The following DIABLO variants were observed in gnomAD, a reference collection of about 807,000 sequenced individuals.
DIABLO encodes the protein diablo homolog, mitochondrial.
Under a neutral mutation model 31.7 loss-of-function variants are expected in DIABLO, and 32 were observed. That is an observed-to-expected ratio of 1.01 (90% CI 0.76 to 1.35). The LOEUF (loss-of-function observed/expected upper bound fraction) is 1.35. DIABLO is among the 40% of genes most tolerant of loss of function. The probability of loss-of-function intolerance (pLI) is 0.00; values close to 1 mark genes in which losing one functional copy is unlikely to be tolerated. For synonymous variants in DIABLO, 132 were observed against 103.2 expected, an observed-to-expected ratio of 1.28 and a Z score of -1.69; for missense variants, 316 against 286.4, an observed-to-expected ratio of 1.10 and a Z score of -0.75.
At chr12:122,225,877 G>A (rs868484580) in intron 1 of DIABLO, 88 bp downstream of exon 1, 4 of 1,542,722 alleles carry the variant, frequency 2.6e-6, no homozygotes, top group Non-Finnish European at 8.7e-7. Flanking sequence ...AGCGCGTAAG[G>A]AAGGCGGGCG....
At chr12:122,220,130 G>C (rs139646814) in intron 2 of DIABLO, among the ~76,000 whole-genome samples, 3 of 151,816 alleles carry the variant, frequency 2.0e-5, no homozygotes, top group Non-Finnish European at 4.4e-5. Context: ...ATATTTAGTA[G>C]AGATGGGGTT....
intron 5 of DIABLO, among the ~76,000 whole-genome samples, chr12:122,213,499 G>A (rs1206043360): frequency 3.8e-5 from 4 of 105,914 alleles, no homozygotes; most frequent in African/African-American, 1.0e-4. Flanking sequence ...GTAAGACCTT[G>A]TCTCAGGGAA....
intron 5 of DIABLO, among the ~76,000 whole-genome samples, chr12:122,214,816 A>G (rs561148687): frequency 4.9e-4 from 75 of 152,150 alleles, no homozygotes; most frequent in African/African-American, 1.8e-3. Context: ...CCTGGGTTCA[A>G]GCCATTCTCC....
chr12:122,213,495 CCTT>C (rs1334858036), intron 5 of DIABLO, among the ~76,000 whole-genome samples: 1 of 123,614 alleles, frequency 8.1e-6, no homozygotes, highest in Non-Finnish European at 1.6e-5. Context: ...CAGAGTAAGA[CCTT>C]GTCTCAGGGA....
chr12:122,207,787 A>G lies in DIABLO; in HGVS notation c.*594T>C, dbSNP rs968317097. 1 of 468,814 alleles carries G rather than the reference A, an allele frequency of 2.1e-6. No individual in the cohort carries two copies. Among genetic ancestry groups the G allele is most frequent in the Non-Finnish European group, 4.2e-6 (1 of 237,040 alleles). 29.0% of individuals were successfully genotyped at this position (468,814 alleles called of 1,614,324 possible). A position where few individuals can be genotyped will look rare whatever the true frequency, so the allele number is the denominator to read the frequency against. On this transcript the variant is annotated 3_prime_UTR_variant, in exon 6 of 6. Coordinates refer to ENST00000464942, the MANE Select transcript of DIABLO (RefSeq NM_001371333.1). ...AAGAGGCCTGTGTTAAGTCCTGTTG[A>G]TGTTAAGTCCTGTTGAGAGCACCAG...
intron 5 of DIABLO, among the ~76,000 whole-genome samples, chr12:122,211,060 C>T (rs1954075516): frequency 1.0e-5 from 1 of 97,124 alleles, no homozygotes; most frequent in African/African-American, 4.0e-5. Flanking sequence ...TCTGATTTTC[C>T]TTTGTTTAGT....
intron 5 of DIABLO, among the ~76,000 whole-genome samples, chr12:122,212,916 C>T (rs753598079): frequency 8.6e-5 from 13 of 151,686 alleles, no homozygotes; most frequent in African/African-American, 2.7e-4. Context: ...TGAGCCACTG[C>T]GCCCGGCCAT....
At chr12:122,221,251 TG>T (rs1286172561) in intron 2 of DIABLO, 1 of 152,188 alleles carries the variant, frequency 6.6e-6, no homozygotes, top group Non-Finnish European at 1.5e-5. Flanking sequence ...AGAATCAGAA[TG>T]GCCACGCATC....
chr12:122,223,889 C>T (rs1047445082), intron 2 of DIABLO, among the ~76,000 whole-genome samples: 2 of 152,198 alleles, frequency 1.3e-5, no homozygotes, highest in African/African-American at 4.8e-5. Flanking sequence ...CAGCCTCAAA[C>T]TCCTGGGCTC....
At chr12:122,223,366 G>C (rs1292184137) in intron 2 of DIABLO, among the ~76,000 whole-genome samples, 1 of 151,768 alleles carries the variant, frequency 6.6e-6, no homozygotes, top group South Asian at 2.1e-4. Flanking sequence ...CCTGGGAGGC[G>C]GAGGTTGCAG....
chr12:122,210,371 CTTTT>C (rs11312074), intron 5 of DIABLO, among the ~76,000 whole-genome samples: 2 of 73,822 alleles, frequency 2.7e-5, no homozygotes, highest in Admixed American at 1.6e-4. Flanking sequence ...CCATTTCTAC[CTTTT>C]TTTTTTTTTT....
intron 2 of DIABLO, 149 bp downstream of exon 2, chr12:122,224,363 C>T: frequency 8.7e-7 from 1 of 1,144,626 alleles, no homozygotes; most frequent in Non-Finnish European, 1.3e-6. Context: ...ATTAATATAT[C>T]TGCTCAACTG....
In DIABLO at chr12:122,208,271, G is replaced by A; in HGVS notation, c.*110C>T. ...CGTCTCGCCTGATTGGCCAGGGCAG[G>A]ATCTGCCGCCTCTTCTCGGTGCACA... On this transcript the variant is annotated 3_prime_UTR_variant, in exon 6 of 6. Coordinates refer to ENST00000464942, the MANE Select transcript of DIABLO (RefSeq NM_001371333.1). 1 of 1,325,662 alleles carries A rather than the reference G, an allele frequency of 7.5e-7. No individual in the cohort carries two copies. Among genetic ancestry groups the A allele is most frequent in the South Asian group, 1.2e-5 (1 of 83,798 alleles). The allele number at this position is 1,325,662 out of a possible 1,614,324, so 82.1% of individuals were successfully genotyped here.
intron 5 of DIABLO, chr12:122,209,621 C>T (rs1202083924): frequency 1.1e-5 from 7 of 624,896 alleles, no homozygotes; most frequent in South Asian, 3.6e-5. Flanking sequence ...GCTGAGATCG[C>T]GCCACTTCAC....
chr12:122,213,850 C>T (rs549301425), intron 5 of DIABLO, among the ~76,000 whole-genome samples: 4 of 152,138 alleles, frequency 2.6e-5, no homozygotes, highest in Admixed American at 6.6e-5. Context: ...TTTGGGAGGC[C>T]GAGGCAGGCA....
intron 5 of DIABLO, chr12:122,209,064 A>C (rs1276854084): frequency 7.0e-6 from 2 of 285,696 alleles, no homozygotes; most frequent in Admixed American, 1.0e-4. Context: ...TTTTTCACTT[A>C]AACATGTTTT....
At position 122,208,565 on chromosome 12, in the gene DIABLO, G is replaced by A. The variant is rs973478698; in HGVS notation, c.536C>T (p.Ala179Val). ...EAAYQTGADQ[A>V]SITARNHIQL... ...AATGTGATTCCTGGCGGTTATAGAG[G>A]CCTGATCTGCGCCTGCCAAAAGATG... The change falls in exon 6 of 6, where the codon GCC (alanine) becomes GTC (valine). Residue 179 changes from alanine to valine, a missense_variant. Coordinates refer to ENST00000464942, the MANE Select transcript of DIABLO (RefSeq NM_001371333.1). The A allele has an allele frequency of 2.4e-5, 38 of 1,612,886 alleles. No individual in the cohort carries two copies. Among genetic ancestry groups the A allele is most frequent in the Non-Finnish European group, 3.2e-5 (38 of 1,180,018 alleles).
At position 122,225,974 on chromosome 12, in the gene DIABLO, G is replaced by A. The variant is rs373013757; in HGVS notation, c.41C>T (p.Ser14Leu). ...LKSWLSRSVT[S>L]FFRYRQCLCV... ...GCGGCCGCAGCGGTACCTGAAGAAT[G>A]AAGTTACGCTGCGCGACAGCCAACT... The change falls in exon 1 of 6, where the codon TCA (serine) becomes TTA (leucine). Residue 14 changes from serine to leucine, a missense_variant. Transcript: ENST00000464942. 1.3e-5 allele frequency: 20 copies of A among 1,599,610 alleles called. No individual in the cohort carries two copies. The African/African-American group carries it at 2.3e-4, about 18-fold the overall frequency.
intron 5 of DIABLO, among the ~76,000 whole-genome samples, chr12:122,211,077 TAAAAAAA>T (rs1156571584): frequency 0.036 from 517 of 14,304 alleles, 2 homozygotes; most frequent in African/African-American, 0.063. Context: ...TAGTTAAAAG[TAAAAAAA>T]AAAAAAAAAA....
Sources: gnomAD v4.1 joint callset for allele counts (sites outside exome capture counted in the v4.1 genomes callset) on GRCh38, gnomAD v4.1.1 for gene constraint, MANE v1.5 for transcripts, NCBI Gene and HGNC (gene_info 2026-07-23, HGNC 2026-07-21) for gene names.